ADGRL3: variants seen among roughly 807,000 people sequenced by gnomAD.
ADGRL3 encodes the protein calcium-independent alpha-latrotoxin receptor 3.
In ADGRL3, 62 loss-of-function variants were observed where a neutral mutation model predicts 153.5. The ratio of observed to expected loss-of-function variants is 0.40; its 90% confidence interval spans 0.33 to 0.50. The LOEUF is 0.50. Among genes scored for constraint, ADGRL3 ranks in the 20% least tolerant of loss-of-function variants. ADGRL3 has a pLI of 0.47. For missense variants in ADGRL3, 1,641 were observed against 1,859.4 expected (o/e 0.88, Z 2.16); for synonymous variants, 710 against 672.5 (o/e 1.06, Z -0.86).
At chr4:61,680,405 C>CGTGTGTGTGT (rs3075156) in intron 6 of ADGRL3, among the ~76,000 whole-genome samples, 5 of 144,066 alleles carry the variant, frequency 3.5e-5, no homozygotes, top group African/African-American at 1.3e-4. Context: ...TATACATACT[C>CGTGTGTGTGT]GTGTGTGTGT....
intron 1 of ADGRL3, among the ~76,000 whole-genome samples, chr4:61,215,614 C>G (rs1241978884): frequency 1.5e-5 from 2 of 135,894 alleles, no homozygotes; most frequent in Non-Finnish European, 3.1e-5. Context: ...TGCAGTGGCC[C>G]GATCTCGGCT....
At chr4:61,432,578 C>CTTTCTTTCTT (rs2097371511) in intron 2 of ADGRL3, among the ~76,000 whole-genome samples, 3 of 3,148 alleles carry the variant, frequency 9.5e-4, no homozygotes, top group South Asian at 0.026. Flanking sequence ...CTCTTCCTTT[C>CTTTCTTTCTT]TTTCTTTCTT....
intron 6 of ADGRL3, among the ~76,000 whole-genome samples, chr4:61,729,217 A>G (rs755779806): frequency 1.3e-5 from 2 of 151,972 alleles, no homozygotes; most frequent in African/African-American, 2.4e-5. Context: ...AGTTGAAACT[A>G]TTTAAAACAT....
chr4:61,318,237 A>C (rs1030309971), intron 1 of ADGRL3, among the ~76,000 whole-genome samples: 21 of 150,782 alleles, frequency 1.4e-4, no homozygotes, highest in African/African-American at 5.1e-4. Context: ...ACACACACAC[A>C]CACAAAAGAA....
intron 19 of ADGRL3, among the ~76,000 whole-genome samples, chr4:61,985,729 T>G (rs1477265591): frequency 6.6e-6 from 1 of 152,150 alleles, no homozygotes. Flanking sequence ...ACAATACAAT[T>G]AAAAGAAGAC....
At chr4:61,781,612 G>C (rs945126894) in intron 8 of ADGRL3, among the ~76,000 whole-genome samples, 1 of 152,080 alleles carries the variant, frequency 6.6e-6, no homozygotes, top group Non-Finnish European at 1.5e-5. Context: ...TACAGTCATT[G>C]ATTTTTGTTA....
At chr4:61,461,458 A>T (rs552546179) in intron 2 of ADGRL3, among the ~76,000 whole-genome samples, 53 of 152,322 alleles carry the variant, frequency 3.5e-4, no homozygotes, top group Admixed American at 2.8e-3. Context: ...TACACATTGT[A>T]TGCATATAGC....
intron 4 of ADGRL3, among the ~76,000 whole-genome samples, chr4:61,563,545 G>A (rs1239950414): frequency 1.3e-5 from 2 of 152,186 alleles, no homozygotes; most frequent in African/African-American, 4.8e-5. Context: ...GTCCTAGATG[G>A]CATCCTTTTC....
At chr4:61,757,986 C>T (rs994682271) in intron 8 of ADGRL3, among the ~76,000 whole-genome samples, 24 of 152,234 alleles carry the variant, frequency 1.6e-4, no homozygotes, top group African/African-American at 5.3e-4. Flanking sequence ...GTCTGAGAGA[C>T]AGTTAGTTAT....
intron 1 of ADGRL3, among the ~76,000 whole-genome samples, chr4:61,277,384 C>T (rs557720045): frequency 1.3e-5 from 2 of 152,266 alleles, no homozygotes; most frequent in Admixed American, 6.5e-5. Context: ...ACGTATTATA[C>T]GGCATGACCC....
At chr4:62,040,207 G>T (rs918466650) in intron 24 of ADGRL3, among the ~76,000 whole-genome samples, 5 of 151,944 alleles carry the variant, frequency 3.3e-5, no homozygotes, top group Admixed American at 2.0e-4. Context: ...TAAATAGTGG[G>T]TGCTCAATAA....
chr4:62,045,003 C>T (rs1251912458), intron 25 of ADGRL3, among the ~76,000 whole-genome samples: 1 of 151,958 alleles, frequency 6.6e-6, no homozygotes, highest in African/African-American at 2.4e-5. Flanking sequence ...GTCTTAATAT[C>T]TAAAAGACTT....
intron 25 of ADGRL3, among the ~76,000 whole-genome samples, chr4:62,050,050 C>A (rs920481840): frequency 2.0e-5 from 3 of 152,030 alleles, no homozygotes; most frequent in Non-Finnish European, 4.4e-5. Context: ...CCATCATTCA[C>A]TACCGAAGTT....
chr4:61,698,559 A>C (rs2095686883), intron 6 of ADGRL3, among the ~76,000 whole-genome samples: 1 of 152,214 alleles, frequency 6.6e-6, no homozygotes, highest in Non-Finnish European at 1.5e-5. Flanking sequence ...CCAAAGGAGA[A>C]AAGAGGTTAC....
At chr4:62,067,923 T>G (rs769986586) in intron 25 of ADGRL3, among the ~76,000 whole-genome samples, 33 of 152,122 alleles carry the variant, frequency 2.2e-4, no homozygotes, top group Admixed American at 5.9e-4. Flanking sequence ...TGGAAACGCT[T>G]ATTAAAGACT....
intron 21 of ADGRL3, among the ~76,000 whole-genome samples, chr4:62,024,860 G>A (rs924711222): frequency 5.3e-5 from 8 of 149,702 alleles, no homozygotes; most frequent in African/African-American, 2.0e-4. Context: ...AACCCGGGAG[G>A]TGGAGGTTGC....
At chr4:61,733,650 T>G in intron 8 of ADGRL3, 96 bp downstream of exon 8, 1 of 902,826 alleles carries the variant, frequency 1.1e-6, no homozygotes, top group Non-Finnish European at 1.7e-6. Context: ...ATTTGTGGTA[T>G]TCTGGCCTGT....
chr4:61,928,475 A>G (rs943738989), intron 13 of ADGRL3, among the ~76,000 whole-genome samples: 2 of 152,184 alleles, frequency 1.3e-5, no homozygotes, highest in African/African-American at 2.4e-5. Context: ...GTGCTGGAGC[A>G]TAGGTAAATT....
At chr4:61,832,449 A>G (rs1046960016) in intron 9 of ADGRL3, among the ~76,000 whole-genome samples, 1 of 152,128 alleles carries the variant, frequency 6.6e-6, no homozygotes, top group Non-Finnish European at 1.5e-5. Flanking sequence ...ATACAATTGC[A>G]TTTCTTTTAG....
Sources: allele counts gnomAD v4.1 joint callset (sites outside exome capture counted in the v4.1 genomes callset), GRCh38; gene constraint gnomAD v4.1.1; transcripts MANE v1.5; gene names NCBI Gene and HGNC (gene_info 2026-07-23, HGNC 2026-07-21).